Variants in TKTL1 observed in about 807,000 individuals in gnomAD.
The protein encoded by TKTL1 is transketolase-like protein 1.
Under a neutral mutation model 39.3 loss-of-function variants are expected in TKTL1, and 1 was observed. That is an observed-to-expected ratio of 0.03 (90% CI 0.01 to 0.12). TKTL1 has a LOEUF of 0.12. Ranked by LOEUF, TKTL1 falls within the 10% of genes least tolerant of loss-of-function variation. The pLI, the probability that TKTL1 is intolerant of heterozygous loss-of-function variation, is 1.00. For missense variants in TKTL1, 575 were observed against 509.6 expected (o/e 1.13, Z -1.24); for synonymous variants, 262 against 193.8 (o/e 1.35, Z -2.92).
rs782445587 is a variant in TKTL1 at position 154,325,418 on chromosome X, C to G, written c.1397C>G (p.Ala466Gly). 1 of 1,207,577 alleles carries G rather than the reference C, an allele frequency of 8.3e-7. No individual in the cohort carries two copies. The highest frequency in any genetic ancestry group is 2.2e-5 in the Admixed American group (1 of 46,076). The change falls in exon 10 of 13, where the codon GCC (alanine) becomes GGC (glycine). Residue 466 changes from alanine (A) to glycine (G), a missense_variant. Coordinates refer to ENST00000369915, the MANE Select transcript of TKTL1 (RefSeq NM_012253.4). The part of the protein sequence containing the change: ...TPQERFEIGQ[A>G]KVLRHCVSDK... Reference sequence around the variant, plus strand: ...CAAGAACGCTTTGAGATCGGACAGGCCAAGGTAAGGGCTTACGCGCTCCTG... The same window carrying G: ...CAAGAACGCTTTGAGATCGGACAGGGCAAGGTAAGGGCTTACGCGCTCCTG...
intron 7 of TKTL1, among the ~76,000 whole-genome samples, chrX:154,315,745 T>C (rs1056816586): frequency 2.7e-5 from 3 of 111,977 alleles, no homozygotes; most frequent in Admixed American, 1.9e-4. Flanking sequence ...CTCTCCACTG[T>C]AGAGGGGCCT....
intron 6 of TKTL1, among the ~76,000 whole-genome samples, chrX:154,313,096 C>T (rs1211304948): frequency 2.7e-5 from 3 of 111,863 alleles, no homozygotes; most frequent in African/African-American, 9.8e-5. Context: ...CCTGGCTCCC[C>T]TTCTCTTTTA....
intron 2 of TKTL1, among the ~76,000 whole-genome samples, chrX:154,305,706 T>C (rs1337654782): frequency 9.1e-6 from 1 of 110,131 alleles, no homozygotes; most frequent in Non-Finnish European, 1.9e-5. Context: ...GTTATGCTGC[T>C]CCCACCCTCT....
Position 154,315,340 on chromosome X carries a change from G to A in TKTL1, c.1029+3G>A. The A allele has an allele frequency of 1.7e-6, 2 of 1,206,378 alleles. No homozygotes were observed. The highest frequency in any genetic ancestry group is 2.2e-6 in the Non-Finnish European group (2 of 892,026). On this transcript the variant is annotated splice_donor_region_variant and intron_variant, in intron 7 of 12. Coordinates refer to ENST00000369915, the MANE Select transcript of TKTL1 (RefSeq NM_012253.4). Reference sequence around the variant, plus strand: ...GCTTTATGGCTGAACAAAACATGGTGAGTGTGTAGTGTCTCTCAGGGCTTC... The same window carrying A: ...GCTTTATGGCTGAACAAAACATGGTAAGTGTGTAGTGTCTCTCAGGGCTTC...
chrX:154,313,749 C>T (rs1173651587), intron 6 of TKTL1, among the ~76,000 whole-genome samples: 3 of 109,945 alleles, frequency 2.7e-5, no homozygotes, highest in Non-Finnish European at 5.7e-5. Flanking sequence ...CTAGCCTGGG[C>T]AAAGTAGTGA....
intron 8 of TKTL1, among the ~76,000 whole-genome samples, chrX:154,322,874 G>C (rs913477180): frequency 2.7e-5 from 3 of 111,892 alleles, no homozygotes; most frequent in Non-Finnish European, 5.6e-5. Flanking sequence ...CCTTCCTAAA[G>C]AGAACGGGTT....
chrX:154,322,229 C>CAAAAAA (rs34229834), intron 8 of TKTL1, among the ~76,000 whole-genome samples: 2 of 41,851 alleles, frequency 4.8e-5, no homozygotes, highest in Non-Finnish European at 4.4e-5. Flanking sequence ...GAGGCTTTGT[C>CAAAAAA]AAAAAAAAAA....
chrX:154,310,750 C>G (rs1009039811), intron 3 of TKTL1, 86 bp from the exon 4 acceptor site: 2 of 826,389 alleles, frequency 2.4e-6, no homozygotes, highest in Non-Finnish European at 3.5e-6. Flanking sequence ...GCTCCAGTTG[C>G]GTCCGTTTCT....
intron 5 of TKTL1, among the ~76,000 whole-genome samples, chrX:154,311,607 C>T (rs1394642255): frequency 9.0e-6 from 1 of 111,195 alleles, no homozygotes; most frequent in Non-Finnish European, 1.9e-5. Context: ...CCTAGGCCCA[C>T]ACTCTTCTGG....
chrX:154,329,456 T>G, intron 12 of TKTL1, 60 bp from the exon 13 acceptor site: 20 of 1,128,927 alleles, frequency 1.8e-5, no homozygotes, highest in Non-Finnish European at 2.3e-5. Flanking sequence ...CTCTATGTGG[T>G]GAGGCTTTAA....
At chrX:154,303,039 C>A (rs1442938125) in intron 1 of TKTL1, among the ~76,000 whole-genome samples, 1 of 110,879 alleles carries the variant, frequency 9.0e-6, no homozygotes, top group Non-Finnish European at 1.9e-5. Context: ...GGCAACTCAC[C>A]CTGGCAGGCT....
chrX:154,306,791 T>C (rs4898474), intron 2 of TKTL1, among the ~76,000 whole-genome samples: 42,254 of 107,774 alleles, frequency 0.39, 7,380 homozygotes, highest in African/African-American at 0.66. Context: ...CATGTGCCAC[T>C]ACGACCGGCT....
intron 7 of TKTL1, among the ~76,000 whole-genome samples, chrX:154,318,785 A>T (rs887851940): frequency 2.7e-5 from 3 of 109,494 alleles, no homozygotes; most frequent in Non-Finnish European, 5.7e-5. Context: ...AAAAAAAAAA[A>T]ATTCATGCCA....
At chrX:154,329,407 G>T in intron 12 of TKTL1, 109 bp from the exon 13 acceptor site, 1 of 819,443 alleles carries the variant, frequency 1.2e-6, no homozygotes, top group East Asian at 3.2e-5. Flanking sequence ...CTGTTCACAT[G>T]AATCAGATTT....
chrX:154,324,173 G>A (rs1244324466), intron 9 of TKTL1, among the ~76,000 whole-genome samples: 1 of 110,655 alleles, frequency 9.0e-6, no homozygotes, highest in African/African-American at 3.3e-5. Context: ...TGGAGACAGA[G>A]TCTCACTCTG....
chrX:154,304,974 G>A (rs2067303402), intron 1 of TKTL1: 1 of 985,672 alleles, frequency 1.0e-6, no homozygotes, highest in East Asian at 6.3e-5. Context: ...GATTCACAAT[G>A]CTCCTGAAAG....
intron 12 of TKTL1, among the ~76,000 whole-genome samples, chrX:154,328,670 C>T (rs782017478): frequency 9.5e-6 from 1 of 105,536 alleles, no homozygotes; most frequent in Admixed American, 1.0e-4. Context: ...ATGGGCTGGG[C>T]AGTGTTTGCG....
At chrX:154,299,930 C>G (rs180874045) in intron 1 of TKTL1, among the ~76,000 whole-genome samples, 303 of 110,805 alleles carry the variant, frequency 2.7e-3, no homozygotes, top group Non-Finnish European at 3.2e-3. Flanking sequence ...CATATAATGA[C>G]TTTTTTTCCT....
chrX:154,329,961 G>C lies in TKTL1; in HGVS notation c.*273G>C, dbSNP rs1557172886. The C allele has an allele frequency of 3.5e-6, 1 of 284,845 alleles. No homozygotes were observed. Among genetic ancestry groups the C allele is most frequent in the African/African-American group, 2.7e-5 (1 of 37,063 alleles). 23.5% of individuals were successfully genotyped at this position (284,845 alleles called of 1,213,427 possible). A position where few individuals can be genotyped will look rare whatever the true frequency, so the allele number is the denominator to read the frequency against. On this transcript the variant is annotated 3_prime_UTR_variant, in exon 13 of 13. Coordinates refer to ENST00000369915, the MANE Select transcript of TKTL1 (RefSeq NM_012253.4). ...TAACAAAACAACCACCTGATAGTAA[G>C]TTTTCTGATAAGACTATAGATAAGT...
Sources: gnomAD v4.1 joint callset for allele counts (sites outside exome capture counted in the v4.1 genomes callset) on GRCh38, gnomAD v4.1.1 for gene constraint, MANE v1.5 for transcripts, NCBI Gene and HGNC (gene_info 2026-07-23, HGNC 2026-07-21) for gene names.